The following SLC6A11 variants were observed in gnomAD, a reference collection of about 807,000 sequenced individuals.
SLC6A11 encodes sodium- and chloride-dependent GABA transporter 3.
SLC6A11 carries 25 observed loss-of-function variants against 74.8 expected under a neutral mutation model. The observed-to-expected ratio is 0.33, with a 90% confidence interval of 0.24 to 0.47. SLC6A11 has a LOEUF of 0.47. SLC6A11 is among the 20% of genes least tolerant of loss of function. The pLI is 1.00. For synonymous variants in SLC6A11, 330 were observed against 330.2 expected (o/e 1.00, Z 0.01); for missense variants, 574 against 837.0 (o/e 0.69, Z 3.88).
intron 6 of SLC6A11, among the ~76,000 whole-genome samples, chr3:10,894,524 C>T (rs1376381555): frequency 6.6e-6 from 1 of 152,220 alleles, no homozygotes; most frequent in East Asian, 1.9e-4. Flanking sequence ...AAGTGAGCAG[C>T]AGCCAGGCAA....
chr3:10,935,316 T>C, intron 13 of SLC6A11, 117 bp downstream of exon 13: 1 of 859,026 alleles, frequency 1.2e-6, no homozygotes, highest in African/African-American at 1.7e-5. Flanking sequence ...AAGGGGACGC[T>C]GTGGCAAACT....
chr3:10,913,983 G>A (rs1340367675), intron 7 of SLC6A11, among the ~76,000 whole-genome samples: 2 of 152,194 alleles, frequency 1.3e-5, no homozygotes, highest in Admixed American at 1.3e-4. Context: ...TTGAGCCACG[G>A]TGCCCGGCCA....
At chr3:10,849,169 A>G (rs1447304693) in intron 5 of SLC6A11, among the ~76,000 whole-genome samples, 1 of 152,234 alleles carries the variant, frequency 6.6e-6, no homozygotes, top group East Asian at 1.9e-4. Context: ...CTATGGAAAA[A>G]AAAGCCTTTC....
Position 10,867,973 on chromosome 3 carries a change from TCA to T in SLC6A11, c.757-6985_757-6984del, listed in dbSNP as rs34189890. Among the ~76,000 whole-genome samples the T allele has an allele frequency of 3.5e-3, 530 of 152,346 alleles. 5 individuals are homozygous for T. The highest frequency in any genetic ancestry group is 0.012 in the African/African-American group (517 of 41,578). ...ATAGTTTTCTGTTTATGGTGGTAAT[TCA>T]CAGTTTTCTCATTATGTATATTTGT... On this transcript the variant is annotated intron_variant, in intron 5 of 13. Transcript: ENST00000254488.
chr3:10,923,017 G>T (rs1695556146), intron 8 of SLC6A11, among the ~76,000 whole-genome samples: 1 of 151,990 alleles, frequency 6.6e-6, no homozygotes, highest in Non-Finnish European at 1.5e-5. Flanking sequence ...TTATAAATAA[G>T]GAAAGGAGAG....
At chr3:10,823,173 C>G (rs1216022958) in intron 3 of SLC6A11, 129 bp from the exon 4 acceptor site, 8 of 670,600 alleles carry the variant, frequency 1.2e-5, no homozygotes, top group Non-Finnish European at 1.9e-5. Flanking sequence ...CCCCACTGCC[C>G]TTTGACGCAT....
rs536528867 is a variant in SLC6A11 at position 10,859,812 on chromosome 3, A to G, written c.757-15149A>G. Among the ~76,000 whole-genome samples the G allele has an allele frequency of 8.5e-5, 13 of 152,326 alleles. No individual in the cohort carries two copies. In the East Asian group the frequency reaches 1.9e-3, roughly 23 times the overall value. On this transcript the variant is annotated intron_variant, in intron 5 of 13. Coordinates refer to ENST00000254488, the MANE Select transcript of SLC6A11 (RefSeq NM_014229.3). ...CAGAAGGTACATAATGCTTTCAATT[A>G]AGAACATTTACCAGAAGTATAAACA...
At chr3:10,874,656 C>G (rs560794712) in intron 5 of SLC6A11, among the ~76,000 whole-genome samples, 18 of 152,274 alleles carry the variant, frequency 1.2e-4, no homozygotes, top group African/African-American at 4.3e-4. Context: ...TGTATACCTC[C>G]TGATTAGTGA....
In SLC6A11 at chr3:10,875,026, G is replaced by T; in HGVS notation, c.822G>T (p.Thr274=). The T allele has an allele frequency of 1.2e-6, 2 of 1,613,600 alleles. No homozygotes were observed. Among genetic ancestry groups the T allele is most frequent in the Non-Finnish European group, 1.7e-6 (2 of 1,179,740 alleles). ...TGATCCTCCTGATACGAGGGGTCAC[G>T]TTGCCCGGGGCCTCAGAGGGCATCA... The part of the protein sequence containing the change: ...MLLILLIRGV[T]LPGASEGIKF... The change falls in exon 6 of 14, where the codon ACG becomes ACT. Residue 274 remains threonine, a synonymous_variant. Coordinates refer to ENST00000254488, the MANE Select transcript of SLC6A11 (RefSeq NM_014229.3).
chr3:10,931,539 C>T (rs1461133158), intron 10 of SLC6A11, among the ~76,000 whole-genome samples: 1 of 152,196 alleles, frequency 6.6e-6, no homozygotes. Context: ...GCATGGCCCG[C>T]TGAGAGATCC....
intron 5 of SLC6A11, among the ~76,000 whole-genome samples, chr3:10,853,686 A>T (rs1041190932): frequency 6.6e-6 from 1 of 152,190 alleles, no homozygotes; most frequent in Non-Finnish European, 1.5e-5. Context: ...TAGGCCTTTC[A>T]TCTGAGTGAC....
At chr3:10,821,271 C>T (rs1312885805) in intron 3 of SLC6A11, among the ~76,000 whole-genome samples, 1 of 152,162 alleles carries the variant, frequency 6.6e-6, no homozygotes, top group East Asian at 1.9e-4. Context: ...TGAGCAAACA[C>T]CTTATAACTG....
chr3:10,896,636 G>T (rs1214294044), intron 6 of SLC6A11, among the ~76,000 whole-genome samples: 3 of 152,360 alleles, frequency 2.0e-5, no homozygotes, highest in South Asian at 4.1e-4. Context: ...GAACTGCTCA[G>T]ATGAATCTGT....
intron 5 of SLC6A11, among the ~76,000 whole-genome samples, chr3:10,853,294 G>A (rs1274390464): frequency 6.6e-6 from 1 of 152,202 alleles, no homozygotes; most frequent in Non-Finnish European, 1.5e-5. Flanking sequence ...GGGCATTTGA[G>A]GTAGCAGAGA....
intron 3 of SLC6A11, among the ~76,000 whole-genome samples, chr3:10,822,072 A>G (rs1223973911): frequency 6.6e-6 from 1 of 152,252 alleles, no homozygotes; most frequent in African/African-American, 2.4e-5. Flanking sequence ...CTCTTTCTTC[A>G]ACTGGTTTGC....
At chr3:10,844,724 C>T (rs1694481637) in intron 5 of SLC6A11, among the ~76,000 whole-genome samples, 1 of 152,166 alleles carries the variant, frequency 6.6e-6, no homozygotes, top group African/African-American at 2.4e-5. Flanking sequence ...GCAGGTGATG[C>T]TGGCTGCCTC....
chr3:10,840,391 G>T (rs994637324), intron 4 of SLC6A11, among the ~76,000 whole-genome samples: 1 of 151,986 alleles, frequency 6.6e-6, no homozygotes, highest in Non-Finnish European at 1.5e-5. Flanking sequence ...CTGCACAAGG[G>T]TCTCCTGCTA....
At chr3:10,867,231 TA>T (rs975204644) in intron 5 of SLC6A11, among the ~76,000 whole-genome samples, 2 of 152,100 alleles carry the variant, frequency 1.3e-5, no homozygotes, top group African/African-American at 2.4e-5. Context: ...CACTTGAGGT[TA>T]AAAACAGCCA....
At chr3:10,934,045 C>T in intron 11 of SLC6A11, 21 bp from the exon 12 acceptor site, 1 of 1,556,084 alleles carries the variant, frequency 6.4e-7, no homozygotes. Flanking sequence ...TGTATGTTCC[C>T]CTCTGATTTA....
Sources: gnomAD v4.1 joint callset for allele counts (sites outside exome capture counted in the v4.1 genomes callset) on GRCh38, gnomAD v4.1.1 for gene constraint, MANE v1.5 for transcripts, NCBI Gene and HGNC (gene_info 2026-07-23, HGNC 2026-07-21) for gene names.